RALYL: variants seen among roughly 807,000 people sequenced by gnomAD.
The protein encoded by RALYL is RNA-binding Raly-like protein.
Under a neutral mutation model 35.1 loss-of-function variants are expected in RALYL, and 29 were observed. The observed-to-expected ratio is 0.83, with a 90% confidence interval of 0.61 to 1.13. The LOEUF (loss-of-function observed/expected upper bound fraction) is 1.13. Ranked by LOEUF, RALYL falls within the 50% of genes most tolerant of loss-of-function variation. RALYL has a pLI of 0.00. For missense variants in RALYL, 359 were observed against 360.4 expected (o/e 1.00, Z 0.03); for synonymous variants, 120 against 127.6 (o/e 0.94, Z 0.40).
At chr8:84,283,978 ATT>A (rs1837113656) in intron 1 of RALYL, among the ~76,000 whole-genome samples, 1 of 152,176 alleles carries the variant, frequency 6.6e-6, no homozygotes, top group South Asian at 2.1e-4. Flanking sequence ...AATGAAAGCT[ATT>A]GTAGAACAGT....
At chr8:84,208,532 G>A (rs1818642685) in intron 1 of RALYL, among the ~76,000 whole-genome samples, 1 of 152,132 alleles carries the variant, frequency 6.6e-6, no homozygotes, top group African/African-American at 2.4e-5. Flanking sequence ...CTTTCTGGGA[G>A]GGTTTTAAGC....
chr8:84,474,984 C>A (rs1336520552), intron 1 of RALYL, among the ~76,000 whole-genome samples: 1 of 149,468 alleles, frequency 6.7e-6, no homozygotes, highest in Non-Finnish European at 1.5e-5. Context: ...CATAGGTATG[C>A]ATGTGCCATG....
chr8:84,580,256 C>G (rs1306665469), intron 2 of RALYL, among the ~76,000 whole-genome samples: 2 of 152,112 alleles, frequency 1.3e-5, no homozygotes, highest in Non-Finnish European at 2.9e-5. Context: ...ATGTCTTAAT[C>G]CATTTTGAGT....
At position 84,390,307 on chromosome 8, in the gene RALYL, T is replaced by C. The variant is rs191284075; in HGVS notation, c.-23-138992T>C. Reference sequence around the variant, plus strand: ...AGGATATTGGTCCAAAATTCTCTTTTTTGGTTGTGTCTCTGCCTGACTTTG... The same window carrying C: ...AGGATATTGGTCCAAAATTCTCTTTCTTGGTTGTGTCTCTGCCTGACTTTG... On this transcript the variant is annotated intron_variant, in intron 1 of 8. Coordinates refer to ENST00000521268, the MANE Select transcript of RALYL (RefSeq NM_173848.7). 3.9e-3 allele frequency among the ~76,000 whole-genome samples: 586 copies of C among 152,198 alleles called. 3 individuals are homozygous for C. Among genetic ancestry groups the C allele is most frequent in the African/African-American group, 0.014 (568 of 41,538 alleles).
chr8:84,351,195 A>G (rs1340781607), intron 1 of RALYL, among the ~76,000 whole-genome samples: 2 of 150,250 alleles, frequency 1.3e-5, no homozygotes, highest in Admixed American at 1.3e-4. Flanking sequence ...ACTTAATGTC[A>G]TCTTGAATCT....
At chr8:84,556,196 T>C (rs1172703773) in intron 2 of RALYL, among the ~76,000 whole-genome samples, 1 of 152,202 alleles carries the variant, frequency 6.6e-6, no homozygotes, top group Non-Finnish European at 1.5e-5. Flanking sequence ...CGTGTACTTT[T>C]CAGAATTTTA....
intron 4 of RALYL, chr8:84,828,775 T>C (rs1830243983): frequency 6.2e-6 from 1 of 160,072 alleles, no homozygotes; most frequent in Non-Finnish European, 1.4e-5. Flanking sequence ...TCTTTCTCTC[T>C]TAGCACAGGA....
intron 7 of RALYL, among the ~76,000 whole-genome samples, chr8:84,877,523 C>A (rs529071288): frequency 6.6e-6 from 1 of 151,842 alleles, no homozygotes; most frequent in South Asian, 2.1e-4. Context: ...TACACATATA[C>A]GCACACACAT....
chr8:84,319,324 A>C (rs1338120278), intron 1 of RALYL, among the ~76,000 whole-genome samples: 1 of 152,154 alleles, frequency 6.6e-6, no homozygotes, highest in Non-Finnish European at 1.5e-5. Flanking sequence ...TAGTGACTAT[A>C]GATGGTAAAA....
chr8:84,669,489 C>CG (rs969087443), intron 2 of RALYL, among the ~76,000 whole-genome samples: 1 of 38,626 alleles, frequency 2.6e-5, no homozygotes. Context: ...CTCCCCCCTC[C>CG]CCCCCCCCCC....
chr8:84,450,691 A>G (rs535484768), intron 1 of RALYL, among the ~76,000 whole-genome samples: 12 of 152,106 alleles, frequency 7.9e-5, no homozygotes, highest in South Asian at 2.1e-4. Context: ...CTTGTATTTC[A>G]TGAAAAAGTT....
At chr8:84,303,084 A>G (rs1841127656) in intron 1 of RALYL, among the ~76,000 whole-genome samples, 1 of 152,166 alleles carries the variant, frequency 6.6e-6, no homozygotes, top group African/African-American at 2.4e-5. Context: ...TTTCACTTAT[A>G]ATAAATTATT....
chr8:84,740,028 G>A (rs1240406066), intron 2 of RALYL, among the ~76,000 whole-genome samples: 1 of 151,698 alleles, frequency 6.6e-6, no homozygotes, highest in African/African-American at 2.4e-5. Flanking sequence ...AAAGCAGGAA[G>A]AAAAAATAGA....
intron 1 of RALYL, among the ~76,000 whole-genome samples, chr8:84,524,010 T>G (rs13277634): frequency 0.36 from 54,578 of 151,616 alleles, 9,969 homozygotes; most frequent in South Asian, 0.51. Flanking sequence ...GCATGATTTA[T>G]AGTTCTTTGG....
intron 1 of RALYL, among the ~76,000 whole-genome samples, chr8:84,397,414 A>AACATTTAACAAAAACATTTAACAAAAC (rs1298668203): frequency 1.3e-4 from 20 of 152,326 alleles, no homozygotes; most frequent in Non-Finnish European, 2.2e-4. Flanking sequence ...CTGTTGTGAC[A>AACATTTAACAAAAACATTTAACAAAAC]ATTTAACAAA....
At chr8:84,645,123 T>G (rs1827212500) in intron 2 of RALYL, among the ~76,000 whole-genome samples, 1 of 152,050 alleles carries the variant, frequency 6.6e-6, no homozygotes, top group African/African-American at 2.4e-5. Context: ...TTATTATTAT[T>G]AAATGAATAC....
chr8:84,690,178 A>G (rs894024603), intron 2 of RALYL, among the ~76,000 whole-genome samples: 2 of 152,152 alleles, frequency 1.3e-5, no homozygotes, highest in Non-Finnish European at 2.9e-5. Flanking sequence ...ATATAAATAC[A>G]GTGGAATATT....
chr8:84,738,437 G>C (rs533454420), intron 2 of RALYL, among the ~76,000 whole-genome samples: 1 of 152,026 alleles, frequency 6.6e-6, no homozygotes, highest in South Asian at 2.1e-4. Context: ...TTGCAGGAAT[G>C]CTAGTGGAGA....
At chr8:84,684,478 G>A (rs1276557223) in intron 2 of RALYL, among the ~76,000 whole-genome samples, 1 of 152,110 alleles carries the variant, frequency 6.6e-6, no homozygotes, top group African/African-American at 2.4e-5. Context: ...AAAAGTTTTT[G>A]ATTGAGCTCC....
Sources: allele counts gnomAD v4.1 joint callset (sites outside exome capture counted in the v4.1 genomes callset), GRCh38; gene constraint gnomAD v4.1.1; transcripts MANE v1.5; gene names NCBI Gene and HGNC (gene_info 2026-07-23, HGNC 2026-07-21).